The following GSPT1 variants were observed in gnomAD, a reference collection of about 807,000 sequenced individuals.
GSPT1 encodes the protein eukaryotic peptide chain release factor GTP-binding subunit ERF3A.
A neutral mutation model predicts 72.5 loss-of-function variants in GSPT1; 20 were observed. That is an observed-to-expected ratio of 0.28 (90% CI 0.19 to 0.40). The LOEUF (loss-of-function observed/expected upper bound fraction) is 0.40, where lower values mean the gene tolerates loss of function less well. GSPT1 is among the 10% of genes least tolerant of loss of function. GSPT1 has a pLI of 1.00. For missense variants in GSPT1, 580 were observed against 811.9 expected (o/e 0.71, Z 3.47); for synonymous variants, 334 against 293.5 (o/e 1.14, Z -1.41).
intron 1 of GSPT1, chr16:11,904,056 A>T (rs1013668870): frequency 4.4e-6 from 1 of 227,340 alleles, no homozygotes; most frequent in Non-Finnish European, 9.9e-6. Context: ...CAGGGACACC[A>T]TGAATGCTCC....
intron 6 of GSPT1, among the ~76,000 whole-genome samples, chr16:11,889,782 A>G (rs1418569664): frequency 1.3e-5 from 2 of 151,542 alleles, no homozygotes; most frequent in Non-Finnish European, 2.9e-5. Context: ...CTGGGATTAC[A>G]GGCGTGAGAC....
chr16:11,886,707 A>AG, intron 8 of GSPT1, 70 bp downstream of exon 8: 1 of 1,557,624 alleles, frequency 6.4e-7, no homozygotes, highest in Non-Finnish European at 8.8e-7. Context: ...AAAACCCTAG[A>AG]GAAAAAGTCG....
Position 11,877,017 on chromosome 16 carries a change from T to C in GSPT1, c.1602+390A>G, listed in dbSNP as rs1470010388. On this transcript the variant is annotated intron_variant, in intron 12 of 14. Transcript: ENST00000434724. This position sits in a 1 kb window ranked among gnomAD's most constrained non-coding sequence, Gnocchi z 4.0. ...TACTCTGTCATTCTCCCAGGGAGGT[T>C]AGATTGTTAATAACAGGGAAACCTG... is the stretch of plus-strand genomic sequence containing the variant. Among the ~76,000 whole-genome samples the C allele has an allele frequency of 2.6e-5, 4 of 152,202 alleles. No individual in the cohort carries two copies. The highest frequency in any genetic ancestry group is 5.9e-5 in the Non-Finnish European group (4 of 68,044).
At chr16:11,899,344 G>A (rs76712452) in intron 1 of GSPT1, among the ~76,000 whole-genome samples, 1 of 150,410 alleles carries the variant, frequency 6.6e-6, no homozygotes, top group Non-Finnish European at 1.5e-5. Flanking sequence ...TTTTTTTTAA[G>A]TGACAGGCTC....
At chr16:11,897,966 A>G (rs1266089110) in intron 2 of GSPT1, 28 bp downstream of exon 2, 1 of 1,517,328 alleles carries the variant, frequency 6.6e-7, no homozygotes, top group Non-Finnish European at 9.0e-7. Flanking sequence ...TGTTTTCTCA[A>G]GTAGACTTTC....
At position 11,897,877 on chromosome 16, in the gene GSPT1, T is replaced by A; in HGVS notation, c.399A>T (p.Ser133=). The A allele has an allele frequency of 6.5e-7, 1 of 1,544,122 alleles. No homozygotes were observed. The highest frequency in any genetic ancestry group is 8.8e-7 in the Non-Finnish European group (1 of 1,133,934). Residue 133 remains serine, a synonymous_variant, in exon 3 of 15, where the codon TCA becomes TCT. Coordinates refer to ENST00000434724, the MANE Select transcript of GSPT1 (RefSeq NM_002094.4). Reference sequence around the variant, plus strand: ...AAAGTTCCATGCTAACAGCTGAATTTGAACCTAGACAAGAGATTGAAATAT... The same window carrying A: ...AAAGTTCCATGCTAACAGCTGAATTAGAACCTAGACAAGAGATTGAAATAT... The part of the protein sequence containing the change: ...SQEEQSLCEG[S]NSAVSMELSE...
At chr16:11,888,397 G>A (rs994230187) in intron 6 of GSPT1, among the ~76,000 whole-genome samples, 1 of 151,990 alleles carries the variant, frequency 6.6e-6, no homozygotes, top group Admixed American at 6.6e-5. Context: ...GGGAGGTAGA[G>A]GTTGCAGTGA....
intron 1 of GSPT1, among the ~76,000 whole-genome samples, chr16:11,901,300 AT>A (rs2054403016): frequency 6.6e-6 from 1 of 152,276 alleles, no homozygotes; most frequent in East Asian, 1.9e-4. Context: ...TGGGCTTAGA[AT>A]TTTCCGAGGT....
At chr16:11,884,714 A>ACAT (rs1371973062) in intron 10 of GSPT1, among the ~76,000 whole-genome samples, 2 of 148,128 alleles carry the variant, frequency 1.4e-5, no homozygotes, top group Non-Finnish European at 3.0e-5. Flanking sequence ...CAGTGAGCTG[A>ACAT]CATCACACCA....
Position 11,872,122 on chromosome 16 carries a change from C to CT in GSPT1, c.*996dup, listed in dbSNP as rs781306073. The CT allele has an allele frequency of 6.6e-6, 1 of 152,132 alleles. No individual in the cohort carries two copies. The highest frequency in any genetic ancestry group is 1.5e-5 in the Non-Finnish European group (1 of 68,038). The allele number at this position is 152,132 out of a possible 1,614,324, so 9.4% of individuals were successfully genotyped here. A position where few individuals can be genotyped will look rare whatever the true frequency, so the allele number is the denominator to read the frequency against. On this transcript the variant is annotated 3_prime_UTR_variant, in exon 15 of 15. Coordinates refer to ENST00000434724, the MANE Select transcript of GSPT1 (RefSeq NM_002094.4). Reference sequence around the variant, plus strand: ...CTGATACAAAGAGTAAACTGAGTAACTTGTAGAAGTGGCACTTGCAACTGA... The same window carrying CT: ...CTGATACAAAGAGTAAACTGAGTAACTTTGTAGAAGTGGCACTTGCAACTGA...
intron 11 of GSPT1, among the ~76,000 whole-genome samples, chr16:11,879,307 C>T (rs551337165): frequency 0.012 from 1,804 of 150,330 alleles, 35 homozygotes; most frequent in African/African-American, 0.042. Context: ...AGGCAGAGAA[C>T]TGCTTGAACC....
chr16:11,902,906 G>C (rs1411862752), intron 1 of GSPT1, among the ~76,000 whole-genome samples: 2 of 151,564 alleles, frequency 1.3e-5, no homozygotes, highest in African/African-American at 4.8e-5. Flanking sequence ...TTATAGAGAT[G>C]GTGTTTCAAT....
chr16:11,883,517 G>A (rs1307437822), intron 10 of GSPT1, among the ~76,000 whole-genome samples: 2 of 149,578 alleles, frequency 1.3e-5, no homozygotes, highest in African/African-American at 4.9e-5. Flanking sequence ...CTACTCCAGA[G>A]GCTGAAGCAG....
Position 11,897,821 on chromosome 16 carries a change from T to C in GSPT1, c.436+19A>G. ...AGAGTTTCATATTACTGTATTAATA[T>C]GGTCAGAAATTTTCTTACCAATAGG... On this transcript the variant is annotated intron_variant, in intron 3 of 14. Transcript: ENST00000434724. 9 of 1,337,288 alleles carry C rather than the reference T, an allele frequency of 6.7e-6. No individual in the cohort carries two copies. Among genetic ancestry groups the C allele is most frequent in the Non-Finnish European group, 9.5e-6 (9 of 948,560 alleles). 82.8% of individuals were successfully genotyped at this position (1,337,288 alleles called of 1,614,324 possible).
chr16:11,912,885 T>A (rs1291744122), intron 1 of GSPT1, among the ~76,000 whole-genome samples: 2 of 152,216 alleles, frequency 1.3e-5, no homozygotes, highest in Non-Finnish European at 2.9e-5. Flanking sequence ...TAATTATTTC[T>A]TAAGGAACCT....
chr16:11,915,554 G>T lies in GSPT1; in HGVS notation c.167C>A (p.Ala56Asp). 2.0e-6 allele frequency: 3 copies of T among 1,493,974 alleles called. No individual in the cohort carries two copies. Among genetic ancestry groups the T allele is most frequent in the Non-Finnish European group, 2.7e-6 (3 of 1,121,718 alleles). The allele number at this position is 1,493,974 out of a possible 1,614,324, so 92.5% of individuals were successfully genotyped here. A position where few individuals can be genotyped will look rare whatever the true frequency, so the allele number is the denominator to read the frequency against. The change falls in exon 1 of 15, where the codon GCC becomes GAC. Residue 56 changes from alanine to aspartate, a missense_variant. Coordinates refer to ENST00000434724, the MANE Select transcript of GSPT1 (RefSeq NM_002094.4). Reference protein sequence around the residue: ...GGGSLAAAAEAQRENLSAAFS... With the variant: ...GGGSLAAAAEDQRENLSAAFS... ...GGCCGCGCTGAGGTTCTCCCGCTGGGCCTCGGCCGCCGCCGCCAGGGAGCC... is the reference window on the plus strand; with the variant it reads ...GGCCGCGCTGAGGTTCTCCCGCTGGTCCTCGGCCGCCGCCGCCAGGGAGCC...
chr16:11,875,888 A>C lies in GSPT1; in HGVS notation c.1734T>G (p.Ser578Arg). The C allele has an allele frequency of 2.5e-6, 4 of 1,613,640 alleles. No individual in the cohort carries two copies. The South Asian group carries it at 3.3e-5, about 13-fold the overall frequency. The change falls in exon 14 of 15, where the codon AGT (serine) becomes AGG (arginine). Residue 578 changes from serine (S) to arginine (R), a missense_variant. Physicochemically the swap from Ser to Arg is moderately radical, Grantham distance 110. Coordinates refer to ENST00000434724, the MANE Select transcript of GSPT1 (RefSeq NM_002094.4). ...CLVDKKSGEK[S>R]KTRPRFVKQD... ...GTTTGACAAAACGGGGTCGGGTCTT[A>C]CTTTTTTCTCCTGATTTTTTGTCTA... is the stretch of plus-strand genomic sequence containing the variant.
chr16:11,909,982 T>C (rs948817305), intron 1 of GSPT1, among the ~76,000 whole-genome samples: 1 of 152,016 alleles, frequency 6.6e-6, no homozygotes, highest in Non-Finnish European at 1.5e-5. Flanking sequence ...CCTATAGTCC[T>C]AGCTACTCAG....
intron 5 of GSPT1, among the ~76,000 whole-genome samples, chr16:11,894,078 T>G (rs1209346225): frequency 7.1e-6 from 1 of 141,264 alleles, no homozygotes; most frequent in African/African-American, 2.7e-5. Context: ...ATTGCTTGAG[T>G]CCAGGAGGTC....
Sources: gnomAD v4.1 joint callset for allele counts (sites outside exome capture counted in the v4.1 genomes callset) on GRCh38, gnomAD v4.1.1 for gene constraint, Gnocchi (gnomAD v3.1) non-coding constraint, MANE v1.5 for transcripts, NCBI Gene and HGNC (gene_info 2026-07-23, HGNC 2026-07-21) for gene names.